SPTBN5: variants seen among roughly 807,000 people sequenced by gnomAD.
The protein encoded by SPTBN5 is spectrin beta, non-erythrocytic 5, also known as spectrin beta chain, non-erythrocytic 5.
A neutral mutation model predicts 477.6 loss-of-function variants in SPTBN5; 513 were observed. The observed-to-expected ratio is 1.07, with a 90% CI of 1.00 to 1.16. The LOEUF is 1.16. Ranked by LOEUF, SPTBN5 falls within the 50% of genes most tolerant of loss-of-function variation. SPTBN5 has a pLI of 0.00. For synonymous variants in SPTBN5, 2,169 were observed against 2,011.7 expected (o/e 1.08, Z -2.09); for missense variants, 5,062 against 4,731.8 (o/e 1.07, Z -2.05).
chr15:41,869,724 A>G, intron 32 of SPTBN5, 117 bp downstream of exon 32: 2 of 1,145,842 alleles, frequency 1.7e-6, no homozygotes, highest in South Asian at 4.5e-5. Context: ...GTGCTCTCCC[A>G]CCCAAGTCCA....
intron 48 of SPTBN5, 42 bp downstream of exon 48, chr15:41,858,848 C>G: frequency 6.5e-7 from 1 of 1,548,712 alleles, no homozygotes; most frequent in Non-Finnish European, 8.7e-7. Context: ...TGGGTCGACT[C>G]CTTCCCCACC....
chr15:41,858,933 T>A lies in SPTBN5; in HGVS notation c.8036A>T (p.Glu2679Val). The change falls in exon 48 of 68, where the codon GAG becomes GTG. Residue 2679 changes from glutamate to valine, a missense_variant. Coordinates refer to ENST00000320955, the MANE Select transcript of SPTBN5 (RefSeq NM_016642.4). ...RQAGTRRHRL[E>V]ELRQLQAFLQ... ...GAAGGCCTGCAGCTGCCGGAGCTCC[T>A]CCAGGCGATGGCGGCGGGTCCCGGC... The A allele has an allele frequency of 6.3e-7, 1 of 1,595,882 alleles. No homozygotes were observed. The highest frequency in any genetic ancestry group is 1.1e-5 in the South Asian group (1 of 89,430).
Position 41,854,889 on chromosome 15 carries a change from T to A in SPTBN5, c.9511A>T (p.Thr3171Ser), listed in dbSNP as rs2065887869. The A allele has an allele frequency of 3.1e-6, 5 of 1,609,028 alleles. No homozygotes were observed. The South Asian group carries it at 3.3e-5, about 11-fold the overall frequency. ...CGCCTGGGTGCACCCCGCTCCAGGG[T>A]GCCTGCCAACTTCCTCAGGGCATAC... is the stretch of plus-strand genomic sequence containing the variant. The part of the protein sequence containing the change: ...KVYALRKLAG[T>S]LERGAPRRYP... The change falls in exon 56 of 68, where the codon ACC becomes TCC. Residue 3171 changes from threonine (T) to serine (S), a missense_variant. By Grantham distance (58) the Thr-to-Ser change is moderately conservative (BLOSUM62 1). Transcript: ENST00000320955.
At chr15:41,879,584 A>C (rs1044964720) in intron 15 of SPTBN5, 85 bp from the exon 16 acceptor site, 3 of 1,529,948 alleles carry the variant, frequency 2.0e-6, no homozygotes, top group Non-Finnish European at 2.6e-6. Context: ...CACGTGACAG[A>C]AGCTGCCAGA....
chr15:41,880,959 GT>G, intron 13 of SPTBN5, 74 bp downstream of exon 13: 1 of 1,323,916 alleles, frequency 7.6e-7, no homozygotes, highest in Non-Finnish European at 1.0e-6. Flanking sequence ...TCACTGCCTT[GT>G]CCCCTGGGAT....
chr15:41,887,999 G>A lies in SPTBN5; in HGVS notation c.588C>T (p.Asn196=), dbSNP rs189906981. ...TTCGGGAGAAATCTGTAATGTTCAC[G>A]TTGGTGTAGCTGGCTGTCTTCCGCT... ...WCQRKTASYT[N]VNITDFSRSW... is the part of the protein sequence containing the mutation. The change falls in exon 5 of 68, where the codon AAC becomes AAT. Residue 196 remains asparagine, a synonymous_variant. Transcript: ENST00000320955. 2.0e-4 allele frequency: 322 copies of A among 1,603,076 alleles called. No homozygotes were observed. The African/African-American group carries it at 3.5e-3, about 17-fold the overall frequency.
At chr15:41,888,155 G>T in intron 4 of SPTBN5, 70 bp from the exon 5 acceptor site, 1 of 1,470,776 alleles carries the variant, frequency 6.8e-7, no homozygotes. Context: ...GCAGGCTGTG[G>T]GAGAGGCAGG....
intron 2 of SPTBN5, 93 bp downstream of exon 2, chr15:41,893,189 G>C: frequency 6.3e-7 from 1 of 1,585,394 alleles, no homozygotes; most frequent in South Asian, 1.1e-5. Flanking sequence ...CTTGGCCTCA[G>C]GCAGATGACC....
In SPTBN5 at chr15:41,883,140, G is replaced by T. The variant is rs771233073; in HGVS notation, c.1748C>A (p.Ser583Ter). The T allele has an allele frequency of 6.2e-7, 1 of 1,612,548 alleles. No individual in the cohort carries two copies. Among genetic ancestry groups the T allele is most frequent in the Non-Finnish European group, 8.5e-7 (1 of 1,179,742 alleles). ...QRHDLLEAQV[S>*]AHGAHVSHLA... is the part of the protein sequence containing the mutation. ...ATGGCTCACATGGGCTCCGTGGGCC[G>T]AGACTTGAGCCTCCAGCAGGTCATG... is the stretch of plus-strand genomic sequence containing the variant. The change falls in exon 9 of 68, where the codon TCG (serine) becomes TAG (stop). Residue 583 changes from serine (S) to a stop codon, truncating the protein, a stop_gained. Coordinates refer to ENST00000320955, the MANE Select transcript of SPTBN5 (RefSeq NM_016642.4). LOFTEE classifies it high-confidence loss of function.
chr15:41,849,180 C>T (rs1041145157), intron 67 of SPTBN5, among the ~76,000 whole-genome samples: 3 of 152,364 alleles, frequency 2.0e-5, no homozygotes, highest in Middle Eastern at 3.4e-3. Context: ...TGTCCCCTCC[C>T]CCTGGAGAGC....
Position 41,882,116 on chromosome 15 carries a change from C to G in SPTBN5, c.2277G>C (p.Ser759=), listed in dbSNP as rs769892586. ...GCGAGGATCGCCGCTCGCGCAGCCA[C>G]GAAGCCGCCTCCGCCGCGTCCGCGA... ...QYFADAAEAA[S]WLRERRSSLE... The change falls in exon 12 of 68, where the codon TCG becomes TCC. Residue 759 remains serine (S), a synonymous_variant. Coordinates refer to ENST00000320955, the MANE Select transcript of SPTBN5 (RefSeq NM_016642.4). 29 of 1,574,076 alleles carry G rather than the reference C, an allele frequency of 1.8e-5. No individual in the cohort carries two copies. The highest frequency in any genetic ancestry group is 2.3e-5 in the Non-Finnish European group (27 of 1,171,150).
chr15:41,868,383 G>T lies in SPTBN5; in HGVS notation c.6057+15C>A, dbSNP rs758052245. The T allele has an allele frequency of 6.3e-7, 1 of 1,593,616 alleles. No individual in the cohort carries two copies. The highest frequency in any genetic ancestry group is 1.7e-5 in the Admixed American group (1 of 59,170). On this transcript the variant is annotated intron_variant, in intron 33 of 67. Coordinates refer to ENST00000320955, the MANE Select transcript of SPTBN5 (RefSeq NM_016642.4). ...TCAGCTAGGGTATGTGGGGGCACCA[G>T]GGGAGGGGGCCCACCTCCTTGGTGG...
chr15:41,861,377 C>T (rs773222941), intron 46 of SPTBN5, 42 bp downstream of exon 46: 1 of 1,556,812 alleles, frequency 6.4e-7, no homozygotes, highest in Non-Finnish European at 8.9e-7. Context: ...TAATGCTGCT[C>T]TGGTAATTCC....
rs751974728 is a variant in SPTBN5 at position 41,878,602 on chromosome 15, G to A, written c.3210C>T (p.Ser1070=). ...VKVEEPGYAE[S]QPLQGQVETL... Reference sequence around the variant, plus strand: ...TCTCCACCTGTCCTTGCAGAGGCTGGCTCTCTGCGTAGCCTGGCTCCTCGA... The same window carrying A: ...TCTCCACCTGTCCTTGCAGAGGCTGACTCTCTGCGTAGCCTGGCTCCTCGA... Residue 1070 remains serine (S), a synonymous_variant, in exon 17 of 68, where the codon AGC becomes AGT. Transcript: ENST00000320955. The A allele has an allele frequency of 1.9e-6, 3 of 1,612,032 alleles. No individual in the cohort carries two copies. The highest frequency in any genetic ancestry group is 2.5e-6 in the Non-Finnish European group (3 of 1,179,454).
chr15:41,875,035 G>A lies in SPTBN5; in HGVS notation c.4309C>T (p.Gln1437Ter). 1 of 1,612,136 alleles carries A rather than the reference G, an allele frequency of 6.2e-7. No homozygotes were observed. The highest frequency in any genetic ancestry group is 8.5e-7 in the Non-Finnish European group (1 of 1,178,996). ...GAGCTCTGTAGGGCCCCTTCGAGCT[G>A]CTCCAGCTGCTCCTTTGCATCCTGG... ...QLQDAKEQLEQLEGALQSSET... is the reference protein window; with the variant it reads ...QLQDAKEQLE Residue 1437 changes from glutamine to a stop codon, truncating the protein, a stop_gained, in exon 23 of 68, where the codon CAG becomes TAG. Coordinates refer to ENST00000320955, the MANE Select transcript of SPTBN5 (RefSeq NM_016642.4). LOFTEE classifies it high-confidence loss of function.
intron 12 of SPTBN5, 50 bp downstream of exon 12, chr15:41,881,886 C>A: frequency 1.4e-6 from 2 of 1,475,632 alleles, no homozygotes; most frequent in South Asian, 1.3e-5. Flanking sequence ...TGTGGCCCAG[C>A]CGCGGTGGAG....
intron 67 of SPTBN5, among the ~76,000 whole-genome samples, chr15:41,849,345 G>A (rs188306364): frequency 1.7e-3 from 255 of 152,304 alleles, no homozygotes; most frequent in African/African-American, 5.7e-3. Flanking sequence ...CCTGCAGGCC[G>A]GGACATGCTG....
chr15:41,867,450 G>T, intron 35 of SPTBN5, 88 bp downstream of exon 35: 1 of 1,287,302 alleles, frequency 7.8e-7, no homozygotes, highest in Non-Finnish European at 1.1e-6. Flanking sequence ...ACTGCCTCCA[G>T]GAACACACCA....
intron 41 of SPTBN5, 76 bp from the exon 42 acceptor site, chr15:41,862,979 T>C: frequency 1.5e-6 from 2 of 1,340,624 alleles, no homozygotes; most frequent in Non-Finnish European, 2.1e-6. Flanking sequence ...GCCCAACCAG[T>C]GGCTTCTGTG....
Sources: gnomAD v4.1 joint callset for allele counts (sites outside exome capture counted in the v4.1 genomes callset) on GRCh38, gnomAD v4.1.1 for gene constraint, MANE v1.5 for transcripts, NCBI Gene and HGNC (gene_info 2026-07-23, HGNC 2026-07-21) for gene names.